Variants in CELSR2 observed in about 807,000 individuals in gnomAD.
CELSR2 encodes EGF-like protein 2.
In CELSR2, 81 loss-of-function variants were observed where a neutral mutation model predicts 251.6. The observed-to-expected ratio is 0.32, with a 90% confidence interval of 0.27 to 0.39. The LOEUF (loss-of-function observed/expected upper bound fraction) is 0.39, where lower values mean the gene tolerates loss of function less well. CELSR2 is among the 10% of genes least tolerant of loss of function. The pLI, the probability that CELSR2 is intolerant of heterozygous loss-of-function variation, is 1.00. For synonymous variants in CELSR2, 1,721 were observed against 1,670.5 expected (o/e 1.03, Z -0.74); for missense variants, 3,365 against 3,947.7 (o/e 0.85, Z 3.96).
intron 1 of CELSR2, among the ~76,000 whole-genome samples, chr1:109,254,073 C>T (rs950362005): frequency 5.9e-5 from 9 of 152,224 alleles, no homozygotes; most frequent in African/African-American, 1.7e-4. Flanking sequence ...TTTCAGAGTC[C>T]GTGGTTCGGG....
chr1:109,255,422 A>G (rs1443144712), intron 1 of CELSR2, among the ~76,000 whole-genome samples: 2 of 151,690 alleles, frequency 1.3e-5, no homozygotes, highest in Non-Finnish European at 1.5e-5. Flanking sequence ...TCTCTTCCCT[A>G]TGGCTGCAGC....
rs766875465 is a variant in CELSR2 at position 109,252,270 on chromosome 1, G to C, written c.2191G>C (p.Val731Leu). 15 of 1,613,178 alleles carry C rather than the reference G, an allele frequency of 9.3e-6. No homozygotes were observed. The highest frequency in any genetic ancestry group is 2.2e-5 in the East Asian group (1 of 44,890). The change falls in exon 1 of 34, where the codon GTG becomes CTG. Residue 731 changes from valine to leucine, a missense_variant. This residue lies in a region of CELSR2 where 505 missense variants were observed against 660.0 expected (regional missense o/e 0.77). Transcript: ENST00000271332. The surrounding 1 kb of genome is among the most constrained non-coding windows in gnomAD (Gnocchi z 4.8). ...VNEDRPAGTTVVLISATDEDT... is the reference protein window; with the variant it reads ...VNEDRPAGTTLVLISATDEDT... ...TGAGGACCGGCCGGCAGGCACCACG[G>C]TGGTGCTGATCAGCGCCACGGATGA...
chr1:109,256,711 G>A (rs543210529), intron 1 of CELSR2, among the ~76,000 whole-genome samples: 6 of 152,160 alleles, frequency 3.9e-5, no homozygotes, highest in Middle Eastern at 3.4e-3. Flanking sequence ...GCGCGATCTC[G>A]GCTCACTGCA....
Position 109,269,470 on chromosome 1 carries a change from G to A in CELSR2, c.6859G>A (p.Val2287Ile), listed in dbSNP as rs141489111. The A allele has an allele frequency of 1.7e-3, 2,676 of 1,613,936 alleles. 3 individuals carry two copies. The highest frequency in any genetic ancestry group is 2.1e-3 in the Non-Finnish European group (2,520 of 1,180,008). ...CAACACACCCGTGGTGAGCATCAGCGTCCATGATGATGAGGAGCTTCTGCC... is the reference window on the plus strand; with the variant it reads ...CAACACACCCGTGGTGAGCATCAGCATCCATGATGATGAGGAGCTTCTGCC... ...IINTPVVSIS[V>I]HDDEELLPRA... The change falls in exon 21 of 34, where the codon GTC becomes ATC. Residue 2287 changes from valine to isoleucine, a missense_variant. By Grantham distance (29) the Val-to-Ile change is conservative. This residue lies in a region of CELSR2 where 2,093 missense variants were observed against 2,382.8 expected (regional missense o/e 0.88). Coordinates refer to ENST00000271332, the MANE Select transcript of CELSR2 (RefSeq NM_001408.3). This position sits in a 1 kb window ranked among gnomAD's most constrained non-coding sequence, Gnocchi z 6.4.
At chr1:109,266,296 G>A (rs1656185067) in intron 15 of CELSR2, 90 bp downstream of exon 15, 1 of 1,494,218 alleles carries the variant, frequency 6.7e-7, no homozygotes, top group Non-Finnish European at 9.0e-7. Context: ...GAAGATCCGG[G>A]GACCCCACTT....
In CELSR2 at chr1:109,249,866, C is replaced by G. The variant is rs1036458524; in HGVS notation, c.-214C>G. Among the ~76,000 whole-genome samples the G allele has an allele frequency of 2.0e-5, 3 of 150,128 alleles. No individual in the cohort carries two copies. The highest frequency in any genetic ancestry group is 2.0e-4 in the Admixed American group (3 of 15,122). ...CGCGGTGCTCAGGGTGACCCGGGAG[C>G]GGGTCTGGCTCAGGGGGCAGTGGGA... On this transcript the variant is annotated 5_prime_UTR_variant, in exon 1 of 34. Transcript: ENST00000271332.
intron 23 of CELSR2, 63 bp downstream of exon 23, chr1:109,270,196 C>T: frequency 6.6e-7 from 1 of 1,520,508 alleles, no homozygotes; most frequent in Non-Finnish European, 9.1e-7. Flanking sequence ...CCAGCCCCCA[C>T]TGGCAACCCC....
In CELSR2 at chr1:109,252,108, C is replaced by T. The variant is rs1167704874; in HGVS notation, c.2029C>T (p.Leu677Phe). The T allele has an allele frequency of 2.5e-6, 4 of 1,614,140 alleles. No homozygotes were observed. Among genetic ancestry groups the T allele is most frequent in the Admixed American group, 1.7e-5 (1 of 60,024 alleles). ...VSLALPLDYK[L>F]ERQYVLAVTA... ...CCTTGCCCTGCCACTGGACTACAAA[C>T]TTGAGCGGCAGTATGTGTTGGCTGT... Residue 677 changes from leucine (L) to phenylalanine (F), a missense_variant, in exon 1 of 34, where the codon CTT (leucine) becomes TTT (phenylalanine). Transcript: ENST00000271332. The surrounding 1 kb of genome is among the most constrained non-coding windows in gnomAD (Gnocchi z 4.8).
chr1:109,265,164 C>A, intron 12 of CELSR2, 27 bp from the exon 13 acceptor site: 1 of 1,577,176 alleles, frequency 6.3e-7, no homozygotes, highest in Non-Finnish European at 8.6e-7. Context: ...AGGGGGAGCT[C>A]ATGCCTACCT....
chr1:109,257,499 T>A (rs1655892121), intron 1 of CELSR2, among the ~76,000 whole-genome samples: 1 of 152,162 alleles, frequency 6.6e-6, no homozygotes, highest in Non-Finnish European at 1.5e-5. Flanking sequence ...GCTTAGGGTG[T>A]GTGGGTGGAA....
chr1:109,266,220 G>T lies in CELSR2; in HGVS notation c.6013+14G>T. 1 of 1,613,456 alleles carries T rather than the reference G, an allele frequency of 6.2e-7. No individual in the cohort carries two copies. ...AAGGCTCCTTTGGTAGGTGTTGGAG[G>T]CCCCGATGTGATGTCGAGGACATGG... On this transcript the variant is annotated intron_variant, in intron 15 of 33. Coordinates refer to ENST00000271332, the MANE Select transcript of CELSR2 (RefSeq NM_001408.3).
chr1:109,266,421 G>T (rs1260917409), intron 15 of CELSR2: 7 of 573,170 alleles, frequency 1.2e-5, no homozygotes, highest in East Asian at 3.2e-5. Flanking sequence ...TTTTGGTTTG[G>T]TTTTTTTTCT....
At position 109,273,221 on chromosome 1, in the gene CELSR2, A is replaced by G. The variant is rs777001937; in HGVS notation, c.8394A>G (p.Ala2798=). 19 of 1,613,620 alleles carry G rather than the reference A, an allele frequency of 1.2e-5. No individual in the cohort carries two copies. In the South Asian group the frequency reaches 1.9e-4, roughly 16 times the overall value. ...APWPGDFGTT[A]KESSGNGAPE... is the part of the protein sequence containing the mutation. ...GGCCAGGAGACTTTGGGACCACAGC[A>G]AAAGAGAGTAGTGGCAACGGGGCCC... Residue 2798 remains alanine (A), a synonymous_variant, in exon 32 of 34, where the codon GCA becomes GCG. Coordinates refer to ENST00000271332, the MANE Select transcript of CELSR2 (RefSeq NM_001408.3).
At chr1:109,271,790 A>G in intron 28 of CELSR2, 68 bp downstream of exon 28, 1 of 1,564,180 alleles carries the variant, frequency 6.4e-7, no homozygotes, top group Non-Finnish European at 8.7e-7. Flanking sequence ...GTGAGCCTGT[A>G]CTTTTGGCCC....
chr1:109,252,569 C>T lies in CELSR2; in HGVS notation c.2490C>T (p.Pro830=). The T allele has an allele frequency of 6.2e-7, 1 of 1,613,802 alleles. No individual in the cohort carries two copies. Among genetic ancestry groups the T allele is most frequent in the East Asian group, 2.2e-5 (1 of 44,902 alleles). ...YQGSVYEDVP[P]FTSVLQISAT... is the part of the protein sequence containing the mutation. ...GCAGTGTCTATGAGGATGTGCCACC[C>T]TTCACTAGCGTCCTGCAGATCTCAG... Residue 830 remains proline, a synonymous_variant, in exon 1 of 34, where the codon CCC becomes CCT. Transcript: ENST00000271332. The surrounding 1 kb of genome is among the most constrained non-coding windows in gnomAD (Gnocchi z 4.8).
chr1:109,252,275 G>A lies in CELSR2; in HGVS notation c.2196G>A (p.Val732=), dbSNP rs754361241. The A allele has an allele frequency of 5.6e-6, 9 of 1,613,164 alleles. No individual in the cohort carries two copies. The highest frequency in any genetic ancestry group is 3.3e-4 in the Middle Eastern group (2 of 6,084). Residue 732 remains valine, a synonymous_variant, in exon 1 of 34, where the codon GTG becomes GTA. Transcript: ENST00000271332. This position sits in a 1 kb window ranked among gnomAD's most constrained non-coding sequence, Gnocchi z 4.8. Reference sequence around the variant, plus strand: ...ACCGGCCGGCAGGCACCACGGTGGTGCTGATCAGCGCCACGGATGAGGACA... The same window carrying A: ...ACCGGCCGGCAGGCACCACGGTGGTACTGATCAGCGCCACGGATGAGGACA... ...NEDRPAGTTV[V]LISATDEDTG...
In CELSR2 at chr1:109,261,910, G is replaced by A. The variant is rs749226153; in HGVS notation, c.4386+14G>A. 3 of 1,563,800 alleles carry A rather than the reference G, an allele frequency of 1.9e-6. No individual in the cohort carries two copies. The highest frequency in any genetic ancestry group is 2.6e-6 in the Non-Finnish European group (3 of 1,152,690). On this transcript the variant is annotated intron_variant, in intron 5 of 33. Coordinates refer to ENST00000271332, the MANE Select transcript of CELSR2 (RefSeq NM_001408.3). The surrounding 1 kb of genome is among the most constrained non-coding windows in gnomAD (Gnocchi z 4.8). ...TACTACAATAAGGTGGGTGTGGAGG[G>A]CACAGAGGGTTGGGGGTTCTGTTCT...
Position 109,250,437 on chromosome 1 carries a change from G to C in CELSR2, c.358G>C (p.Gly120Arg), listed in dbSNP as rs1655651728. 1 of 1,613,602 alleles carries C rather than the reference G, an allele frequency of 6.2e-7. No individual in the cohort carries two copies. The change falls in exon 1 of 34, where the codon GGA (glycine) becomes CGA (arginine). Residue 120 changes from glycine to arginine, a missense_variant. Coordinates refer to ENST00000271332, the MANE Select transcript of CELSR2 (RefSeq NM_001408.3). This position sits in a 1 kb window ranked among gnomAD's most constrained non-coding sequence, Gnocchi z 4.4. ...CPWSCRLLGI[G>R]GHLSPQGKLT... ...CTGGAGCTGTCGCCTCCTGGGCATT[G>C]GAGGCCACCTTTCCCCACAGGGCAA...
rs200256314 is a variant in CELSR2, at chr1:109,267,914, C to G, written c.6172C>G (p.Leu2058Val). ...DSGRSQQLALLLRNATQHTAG... is the reference protein window; with the variant it reads ...DSGRSQQLALVLRNATQHTAG... The stretch of plus-strand genomic sequence containing the variant: ...AGGGCGCTCCCAGCAGCTAGCCCTG[C>G]TCCTGCGCAACGCCACGCAGCACAC... The change falls in exon 17 of 34, where the codon CTC (leucine) becomes GTC (valine). Residue 2058 changes from leucine to valine, a missense_variant. Transcript: ENST00000271332. The G allele has an allele frequency of 3.3e-5, 53 of 1,611,360 alleles. No individual in the cohort carries two copies. In the East Asian group the frequency reaches 8.7e-4, roughly 26 times the overall value.
Sources: gnomAD v4.1 joint callset for allele counts (sites outside exome capture counted in the v4.1 genomes callset) on GRCh38, gnomAD v4.1.1 for gene constraint, gnomAD v4.1.1 regional missense constraint, Gnocchi (gnomAD v3.1) non-coding constraint, MANE v1.5 for transcripts, NCBI Gene and HGNC (gene_info 2026-07-23, HGNC 2026-07-21) for gene names.